TMEM117: variants seen among roughly 807,000 people sequenced by gnomAD.
TMEM117 encodes the protein transmembrane protein 117.
A neutral mutation model predicts 52.4 loss-of-function variants in TMEM117; 27 were observed. The ratio of observed to expected loss-of-function variants is 0.51; its 90% confidence interval spans 0.38 to 0.71. TMEM117 has a LOEUF of 0.71. Among genes scored for constraint, TMEM117 ranks in the 30% least tolerant of loss-of-function variants. TMEM117 has a pLI of 0.00. For missense variants in TMEM117, 556 were observed against 630.5 expected (o/e 0.88, Z 1.26); for synonymous variants, 215 against 206.3 (o/e 1.04, Z -0.36).
At chr12:43,845,100 G>A (rs7965635) in intron 2 of TMEM117, 172 bp downstream of exon 2, 83,818 of 668,562 alleles carry the variant, frequency 0.13, 10,037 homozygotes, top group African/African-American at 0.51. Context: ...TCTGTTAATG[G>A]TTTACTTTTC....
chr12:43,880,994 G>C (rs1943886733), intron 2 of TMEM117, among the ~76,000 whole-genome samples: 1 of 152,206 alleles, frequency 6.6e-6, no homozygotes, highest in Non-Finnish European at 1.5e-5. Context: ...AACTCACAGA[G>C]CTGGTTGAAT....
chr12:44,127,359 G>T (rs896059392), intron 3 of TMEM117, among the ~76,000 whole-genome samples: 8 of 151,820 alleles, frequency 5.3e-5, no homozygotes, highest in African/African-American at 1.9e-4. Context: ...GTATTTTGTA[G>T]ATATAGTTGA....
At chr12:44,320,477 G>C (rs1241813186) in intron 6 of TMEM117, among the ~76,000 whole-genome samples, 2 of 152,034 alleles carry the variant, frequency 1.3e-5, no homozygotes, top group Admixed American at 1.3e-4. Flanking sequence ...TTATCATCTA[G>C]CTCATGCCTA....
Position 43,907,157 on chromosome 12 carries a change from G to A in TMEM117, c.278-37053G>A, listed in dbSNP as rs566058745. Among the ~76,000 whole-genome samples, 1,232 of 152,306 alleles carry A rather than the reference G, an allele frequency of 8.1e-3. 28 individuals are homozygous for A. Among genetic ancestry groups the A allele is most frequent in the East Asian group, 0.042 (217 of 5,168 alleles). On this transcript the variant is annotated intron_variant, in intron 2 of 7. Transcript: ENST00000266534. The stretch of plus-strand genomic sequence containing the variant: ...CACGCAGCTGGAGATCTGAGAACGG[G>A]CAGACTGCCCCCTCAAGTGGGTCCC...
intron 6 of TMEM117, among the ~76,000 whole-genome samples, chr12:44,307,025 A>C (rs1414219508): frequency 6.6e-6 from 1 of 152,194 alleles, no homozygotes; most frequent in Admixed American, 6.5e-5. Context: ...AACAGATTTG[A>C]AGTGTGTTTG....
chr12:43,972,378 C>T (rs1014346434), intron 3 of TMEM117, among the ~76,000 whole-genome samples: 15 of 152,160 alleles, frequency 9.9e-5, no homozygotes, highest in Non-Finnish European at 1.5e-4. Flanking sequence ...TGGACCTTTG[C>T]GGTGAGTGTT....
chr12:44,137,803 C>T (rs759771799), intron 3 of TMEM117, among the ~76,000 whole-genome samples: 8 of 152,112 alleles, frequency 5.3e-5, no homozygotes, highest in Non-Finnish European at 2.9e-5. Context: ...TCCCACAACA[C>T]GTGGGAATTG....
intron 2 of TMEM117, among the ~76,000 whole-genome samples, chr12:43,889,347 T>A (rs1944059822): frequency 6.6e-6 from 1 of 152,202 alleles, no homozygotes; most frequent in South Asian, 2.1e-4. Context: ...CCTCCCAAAG[T>A]GCTGGGATTA....
the TMEM117 span, among the ~76,000 whole-genome samples, chr12:43,823,582 T>C: frequency 6.6e-6 from 1 of 152,184 alleles, no homozygotes; most frequent in African/African-American, 2.4e-5. Flanking sequence ...TGATCTTGGC[T>C]CACTGCAACT....
intron 7 of TMEM117, among the ~76,000 whole-genome samples, chr12:44,382,338 C>T (rs186630165): frequency 4.6e-5 from 7 of 152,214 alleles, no homozygotes; most frequent in African/African-American, 1.7e-4. Flanking sequence ...GAAACATGAA[C>T]ATTTTGCTTT....
At chr12:44,276,435 TA>T (rs1418651165) in intron 5 of TMEM117, among the ~76,000 whole-genome samples, 1 of 152,086 alleles carries the variant, frequency 6.6e-6, no homozygotes, top group Non-Finnish European at 1.5e-5. Flanking sequence ...AAGTGAAATC[TA>T]AAAACTTGAA....
At chr12:43,831,585 C>G (rs957876580), upstream of TMEM117, among the ~76,000 whole-genome samples, 47 of 151,512 alleles carry the variant, frequency 3.1e-4, 1 homozygote, top group African/African-American at 1.1e-3. Context: ...ACTCTGTCAC[C>G]CAGGCTGGAG....
At chr12:44,085,124 G>A (rs953200063) in intron 3 of TMEM117, among the ~76,000 whole-genome samples, 8 of 152,110 alleles carry the variant, frequency 5.3e-5, no homozygotes, top group East Asian at 1.9e-4. Context: ...CTATTAATTC[G>A]TAAGACTACC....
At chr12:44,381,346 C>T (rs1164453784) in intron 7 of TMEM117, among the ~76,000 whole-genome samples, 1 of 152,158 alleles carries the variant, frequency 6.6e-6, no homozygotes, top group East Asian at 1.9e-4. Context: ...TCCCCTTTAC[C>T]TGTAAGGTAA....
chr12:44,178,433 A>G (rs540127614), intron 4 of TMEM117, among the ~76,000 whole-genome samples: 3 of 152,282 alleles, frequency 2.0e-5, no homozygotes, highest in South Asian at 2.1e-4. Flanking sequence ...TTTCTCTCAT[A>G]TAGTCTACTT....
intron 3 of TMEM117, among the ~76,000 whole-genome samples, chr12:43,944,620 G>A (rs948137459): frequency 1.3e-5 from 2 of 152,010 alleles, no homozygotes; most frequent in African/African-American, 4.8e-5. Flanking sequence ...TACTGACAAG[G>A]GGGTATGAGA....
At chr12:44,121,318 A>G (rs562607700) in intron 3 of TMEM117, among the ~76,000 whole-genome samples, 1 of 152,264 alleles carries the variant, frequency 6.6e-6, no homozygotes, top group Admixed American at 6.5e-5. Context: ...TGTAATAAAT[A>G]TGGTTAACCA....
Position 43,889,562 on chromosome 12 carries a change from C to G in TMEM117, c.277+44634C>G, listed in dbSNP as rs1944064185. On this transcript the variant is annotated intron_variant, in intron 2 of 7. Transcript: ENST00000266534. ...GTCCAGTTCCTAACAGGCCATGGACCTGTACCAGTCTGCGACCCAGAGGTT... is the reference window on the plus strand; with the variant it reads ...GTCCAGTTCCTAACAGGCCATGGACGTGTACCAGTCTGCGACCCAGAGGTT... 1.3e-5 allele frequency among the ~76,000 whole-genome samples: 2 copies of G among 152,232 alleles called. 1 individual carries two copies. Among genetic ancestry groups the G allele is most frequent in the Non-Finnish European group, 2.9e-5 (2 of 68,052 alleles).
At chr12:43,834,905 C>G (rs1943005801), upstream of TMEM117, among the ~76,000 whole-genome samples, 1 of 152,208 alleles carries the variant, frequency 6.6e-6, no homozygotes, top group South Asian at 2.1e-4. Flanking sequence ...GGCACTTGGG[C>G]ATGGCTCTCT....
Sources: allele counts gnomAD v4.1 joint callset (sites outside exome capture counted in the v4.1 genomes callset), GRCh38; gene constraint gnomAD v4.1.1; transcripts MANE v1.5; gene names NCBI Gene and HGNC (gene_info 2026-07-23, HGNC 2026-07-21).